Variants in DNAH2 observed in about 807,000 individuals in gnomAD.
DNAH2 encodes the protein axonemal beta dynein heavy chain 2.
In DNAH2, 323 loss-of-function variants were observed where a neutral mutation model predicts 523.5. That is an observed-to-expected ratio of 0.62 (90% CI 0.56 to 0.68). The LOEUF (loss-of-function observed/expected upper bound fraction) is 0.68. DNAH2 is among the 30% of genes least tolerant of loss of function. The pLI is 0.00. For missense variants in DNAH2, 4,907 were observed against 5,701.5 expected (o/e 0.86, Z 4.49); for synonymous variants, 2,093 against 2,177.4 (o/e 0.96, Z 1.08).
At position 7,780,352 on chromosome 17, in the gene DNAH2, G is replaced by A; in HGVS notation, c.5850+68G>A. 6.2e-7 allele frequency: 1 copy of A among 1,603,242 alleles called. No homozygotes were observed. Among genetic ancestry groups the A allele is most frequent in the Non-Finnish European group, 8.5e-7 (1 of 1,173,252 alleles). The stretch of plus-strand genomic sequence containing the variant: ...TCATAATTATTCCCTGGACAGAGGA[G>A]CTCCCCAAGGGCCTCACAATCAGCT... On this transcript the variant is annotated intron_variant, in intron 37 of 85. Transcript: ENST00000572933. This position sits in a 1 kb window ranked among gnomAD's most constrained non-coding sequence, Gnocchi z 4.4.
intron 2 of DNAH2, 97 bp from the exon 3 acceptor site, chr17:7,723,531 C>T: frequency 1.0e-6 from 1 of 994,280 alleles, no homozygotes; most frequent in Admixed American, 1.7e-5. Context: ...CTAGTACTCC[C>T]AAAGTGCTAG....
chr17:7,792,886 G>C, intron 47 of DNAH2, 31 bp downstream of exon 47: 1 of 1,605,548 alleles, frequency 6.2e-7, no homozygotes, highest in Non-Finnish European at 8.5e-7. Flanking sequence ...CCAGGCTGCC[G>C]GCTCCCTTGG....
intron 2 of DNAH2, among the ~76,000 whole-genome samples, chr17:7,720,320 C>T (rs535517004): frequency 9.9e-5 from 15 of 152,232 alleles, no homozygotes; most frequent in South Asian, 2.1e-4. Context: ...GCCTGTTTTG[C>T]CACCCTTTGA....
intron 12 of DNAH2, among the ~76,000 whole-genome samples, chr17:7,756,473 A>C (rs1454793407): frequency 2.6e-5 from 4 of 151,526 alleles, no homozygotes; most frequent in Non-Finnish European, 5.9e-5. Context: ...TGGGGGTCTC[A>C]CTATGTTGCC....
intron 49 of DNAH2, among the ~76,000 whole-genome samples, chr17:7,796,162 C>T (rs955232664): frequency 6.7e-6 from 1 of 149,134 alleles, no homozygotes; most frequent in Admixed American, 6.8e-5. Context: ...GATTCTCCTG[C>T]CTCAGCCTCC....
intron 73 of DNAH2, among the ~76,000 whole-genome samples, chr17:7,823,092 G>A (rs1412279136): frequency 6.6e-6 from 1 of 152,040 alleles, no homozygotes; most frequent in Non-Finnish European, 1.5e-5. Context: ...TCAGGAGTTC[G>A]AGACCAGCCT....
Position 7,804,512 on chromosome 17 carries a change from C to T in DNAH2, c.9183+46C>T, listed in dbSNP as rs367988464. 1.6e-5 allele frequency: 25 copies of T among 1,596,510 alleles called. No individual in the cohort carries two copies. In the East Asian group the frequency reaches 2.5e-4, roughly 16 times the overall value. On this transcript the variant is annotated intron_variant, in intron 59 of 85. Transcript: ENST00000572933. Reference sequence around the variant, plus strand: ...CCCCGTGCCCCACTCCCACCAGTGCCGGCTACTGCGTCAGGGAACCCATGT... The same window carrying T: ...CCCCGTGCCCCACTCCCACCAGTGCTGGCTACTGCGTCAGGGAACCCATGT...
chr17:7,825,049 G>A (rs1231804798), intron 77 of DNAH2, among the ~76,000 whole-genome samples: 2 of 152,176 alleles, frequency 1.3e-5, no homozygotes, highest in Non-Finnish European at 2.9e-5. Context: ...TACAGAAAGA[G>A]TAAATAAGTA....
rs1567729688 is a variant in DNAH2 at position 7,805,299 on chromosome 17, T to G, written c.9348T>G (p.Tyr3116Ter). Reference sequence around the variant, plus strand: ...AGGATATAGGAGAGATCAAGTCTTATGGACGGCCCCCAGCCCAAGTGGAGA... The same window carrying G: ...AGGATATAGGAGAGATCAAGTCTTAGGGACGGCCCCCAGCCCAAGTGGAGA... ...NKKDIGEIKSYGRPPAQVEIV... is the reference protein window; with the variant it reads ...NKKDIGEIKS Residue 3116 changes from tyrosine to a stop codon, truncating the protein, a stop_gained, in exon 61 of 86, where the codon TAT becomes TAG. Coordinates refer to ENST00000572933, the MANE Select transcript of DNAH2 (RefSeq NM_020877.5). LOFTEE classifies it high-confidence loss of function. 3 of 1,614,246 alleles carry G rather than the reference T, an allele frequency of 1.9e-6. No individual in the cohort carries two copies.
chr17:7,789,989 G>A (rs528240047), intron 44 of DNAH2, among the ~76,000 whole-genome samples: 1 of 152,186 alleles, frequency 6.6e-6, no homozygotes, highest in Admixed American at 6.5e-5. Context: ...ATCCTCAAGC[G>A]CTCTCCACCC....
At chr17:7,812,015 C>T (rs2077530992) in intron 63 of DNAH2, among the ~76,000 whole-genome samples, 1 of 152,030 alleles carries the variant, frequency 6.6e-6, no homozygotes, top group Non-Finnish European at 1.5e-5. Flanking sequence ...AATTACGTTG[C>T]CAAAAAACTG....
At chr17:7,720,076 A>G (rs3744258) in intron 2 of DNAH2, among the ~76,000 whole-genome samples, 176 bp downstream of exon 2, 46,579 of 151,830 alleles carry the variant, frequency 0.31, 7,564 homozygotes, top group East Asian at 0.47. Flanking sequence ...CTTTTTTTGT[A>G]TGTCTTCCTC....
In DNAH2 at chr17:7,780,824, A is replaced by T. The variant is rs1008874371; in HGVS notation, c.6003+42A>T. 3.1e-6 allele frequency: 5 copies of T among 1,613,034 alleles called. No individual in the cohort carries two copies. Among genetic ancestry groups the T allele is most frequent in the Non-Finnish European group, 3.4e-6 (4 of 1,179,564 alleles). ...GCCTTTGGACCTGACTTCCACTGTC[A>T]CTGGACCTATGTCACTTCTCTCAAG... On this transcript the variant is annotated intron_variant, in intron 38 of 85. Transcript: ENST00000572933. The surrounding 1 kb of genome is among the most constrained non-coding windows in gnomAD (Gnocchi z 4.4).
rs771675003 is a variant in DNAH2 at position 7,807,582 on chromosome 17, G to T, written c.9725G>T (p.Arg3242Leu). 2 of 1,610,716 alleles carry T rather than the reference G, an allele frequency of 1.2e-6. No homozygotes were observed. Among genetic ancestry groups the T allele is most frequent in the South Asian group, 2.2e-5 (2 of 91,078 alleles). ...CTCGCTGAGGCCCAGGAGAAGCTGC[G>T]GGAGGTGAGCTGATCGCCTGTCCTT... is the stretch of plus-strand genomic sequence containing the variant. ...AALAEAQEKL[R>L]EVAEKLEMLK... The change falls in exon 63 of 86, where the codon CGG (arginine) becomes CTG (leucine). Residue 3242 changes from arginine (R) to leucine (L), a missense_variant. Around this residue, in one of 3 missense-constraint regions of DNAH2, gnomAD observed 1,851 missense variants for 2,139.4 expected, o/e 0.87. Transcript: ENST00000572933. The surrounding 1 kb of genome is among the most constrained non-coding windows in gnomAD (Gnocchi z 5.6).
chr17:7,829,648 GT>G (rs148495369), intron 77 of DNAH2, among the ~76,000 whole-genome samples: 2,633 of 152,218 alleles, frequency 0.017, 41 homozygotes, highest in South Asian at 0.048. Context: ...GAACGTATAT[GT>G]ACTTATCTTT....
rs1047683967 is a variant in DNAH2 at position 7,760,329 on chromosome 17, C to G, written c.2785+391C>G. On this transcript the variant is annotated intron_variant, in intron 17 of 85. Transcript: ENST00000572933. This position sits in a 1 kb window ranked among gnomAD's most constrained non-coding sequence, Gnocchi z 4.0. Reference sequence around the variant, plus strand: ...TGAGCGGAGATCATGCCACTGCATTCCAGCCTGGGTGACAGAGTGAGACTC... The same window carrying G: ...TGAGCGGAGATCATGCCACTGCATTGCAGCCTGGGTGACAGAGTGAGACTC... Among the ~76,000 whole-genome samples, 3 of 151,460 alleles carry G rather than the reference C, an allele frequency of 2.0e-5. No homozygotes were observed. Among genetic ancestry groups the G allele is most frequent in the African/African-American group, 7.3e-5 (3 of 41,216 alleles).
Position 7,807,688 on chromosome 17 carries a change from C to A in DNAH2, c.9729+102C>A. ...CCCCATCTAATTCTAGCCCCCTTCC[C>A]CATGTCCTGTGCCATTCCAGTCCTG... On this transcript the variant is annotated intron_variant, in intron 63 of 85. Coordinates refer to ENST00000572933, the MANE Select transcript of DNAH2 (RefSeq NM_020877.5). This position sits in a 1 kb window ranked among gnomAD's most constrained non-coding sequence, Gnocchi z 5.6. 1.9e-6 allele frequency: 2 copies of A among 1,035,128 alleles called. No homozygotes were observed. The highest frequency in any genetic ancestry group is 2.5e-5 in the East Asian group (1 of 40,634). 64.1% of individuals were successfully genotyped at this position (1,035,128 alleles called of 1,614,324 possible).
rs1597656083 is a variant in DNAH2 at position 7,787,009 on chromosome 17, C to T, written c.6579C>T (p.Gly2193=). 4 of 1,614,142 alleles carry T rather than the reference C, an allele frequency of 2.5e-6. No homozygotes were observed. Among genetic ancestry groups the T allele is most frequent in the Non-Finnish European group, 3.4e-6 (4 of 1,180,020 alleles). ...DDNKVLTLIN[G]ERIAMPEQVS... ...ACAAGGTGTTGACCCTCATCAACGG[C>T]GAGCGCATCGCGATGCCCGAGCAGG... The change falls in exon 42 of 86, where the codon GGC becomes GGT. Residue 2193 remains glycine (G), a synonymous_variant. Coordinates refer to ENST00000572933, the MANE Select transcript of DNAH2 (RefSeq NM_020877.5).
intron 2 of DNAH2, 77 bp downstream of exon 2, chr17:7,719,977 G>T (rs913173524): frequency 1.4e-6 from 2 of 1,421,158 alleles, no homozygotes; most frequent in African/African-American, 1.5e-5. Flanking sequence ...GCATTTTAGG[G>T]CTGGGGAGCA....
Sources: gnomAD v4.1 joint callset for allele counts (sites outside exome capture counted in the v4.1 genomes callset) on GRCh38, gnomAD v4.1.1 for gene constraint, gnomAD v4.1.1 regional missense constraint, Gnocchi (gnomAD v3.1) non-coding constraint, MANE v1.5 for transcripts, NCBI Gene and HGNC (gene_info 2026-07-23, HGNC 2026-07-21) for gene names.